The following RNASET2 variants were observed in gnomAD, a reference collection of about 807,000 sequenced individuals.
RNASET2 encodes the protein ribonuclease T2.
A neutral mutation model predicts 33.9 loss-of-function variants in RNASET2; 28 were observed. That is an observed-to-expected ratio of 0.83 (90% CI 0.61 to 1.13). The LOEUF (loss-of-function observed/expected upper bound fraction) is 1.13, where lower values mean the gene tolerates loss of function less well. Among genes scored for constraint, RNASET2 ranks in the 50% most tolerant of loss-of-function variants. The probability of loss-of-function intolerance (pLI) is 0.00; values close to 1 mark genes in which losing one functional copy is unlikely to be tolerated. For missense variants in RNASET2, 330 were observed against 319.9 expected (o/e 1.03, Z -0.24); for synonymous variants, 123 against 121.0 (o/e 1.02, Z -0.11).
At chr6:166,950,213 G>T (rs113174740) in intron 2 of RNASET2, among the ~76,000 whole-genome samples, 1 of 151,976 alleles carries the variant, frequency 6.6e-6, no homozygotes, top group Non-Finnish European at 1.5e-5. Context: ...CCTCCTCCAC[G>T]GTCCTTCTTC....
In RNASET2 at chr6:166,923,228, C is replaced by CTTTTTTTTTTTTTGTTTTT. The variant is rs1778258956; in HGVS notation, c.*6359_*6360insAAAAACAAAAAAAAAAAAA. On this transcript the variant is annotated 3_prime_UTR_variant, in exon 9 of 9. Transcript: ENST00000508775. ...ACAGGCGTGAGCCACCAGGCCCGGC[C>CTTTTTTTTTTTTTGTTTTT]TTTTTTTTTTTTTTTTTTTTTGAGA... 9.7e-6 allele frequency among the ~76,000 whole-genome samples: 1 copy of CTTTTTTTTTTTTTGTTTTT among 102,672 alleles called. No homozygotes were observed. The highest frequency in any genetic ancestry group is 1.8e-5 in the Non-Finnish European group (1 of 54,584). 67.4% of individuals were successfully genotyped at this position (102,672 alleles called of 152,430 possible).
At chr6:166,950,629 C>G (rs999187288) in intron 2 of RNASET2, among the ~76,000 whole-genome samples, 2 of 152,206 alleles carry the variant, frequency 1.3e-5, no homozygotes, top group African/African-American at 4.8e-5. Context: ...CTTGACACAC[C>G]GAGCAGGGTA....
intron 6 of RNASET2, among the ~76,000 whole-genome samples, chr6:166,935,266 G>C (rs1423003421): frequency 1.3e-5 from 2 of 151,944 alleles, no homozygotes. Context: ...TTTATCCTAA[G>C]TTTCGATGAT....
chr6:166,955,038 TAAG>T (rs1044807068), intron 1 of RNASET2, among the ~76,000 whole-genome samples: 2 of 93,566 alleles, frequency 2.1e-5, no homozygotes, highest in Non-Finnish European at 3.8e-5. Flanking sequence ...ACTATGTAAG[TAAG>T]AAATCCTATT....
chr6:166,950,541 G>A (rs1006316272), intron 2 of RNASET2, among the ~76,000 whole-genome samples: 9 of 152,356 alleles, frequency 5.9e-5, no homozygotes, highest in Middle Eastern at 3.4e-3. Context: ...TAAAGCCTGC[G>A]TGCTCCTGAC....
intron 3 of RNASET2, among the ~76,000 whole-genome samples, chr6:166,947,112 C>T (rs780674422): frequency 3.9e-5 from 6 of 152,036 alleles, no homozygotes; most frequent in Non-Finnish European, 7.4e-5. Flanking sequence ...AGTAAGCTGA[C>T]CCCCGGCCAA....
rs1041687936 is a variant in RNASET2, at chr6:166,927,982, T to A, written c.*1606A>T. ...AGCTCAGAGAAGGGCCGAGGGACAA[T>A]GACAAGGTGGGGACCCTGGACCCTT... is the stretch of plus-strand genomic sequence containing the variant. On this transcript the variant is annotated 3_prime_UTR_variant, in exon 9 of 9. Coordinates refer to ENST00000508775, the MANE Select transcript of RNASET2 (RefSeq NM_003730.6). 1.3e-5 allele frequency among the ~76,000 whole-genome samples: 2 copies of A among 152,270 alleles called. No homozygotes were observed. Among genetic ancestry groups the A allele is most frequent in the South Asian group, 4.1e-4 (2 of 4,828 alleles).
Position 166,927,100 on chromosome 6 carries a change from A to G in RNASET2, c.*2488T>C, listed in dbSNP as rs1778319372. Among the ~76,000 whole-genome samples the G allele has an allele frequency of 6.6e-6, 1 of 152,228 alleles. No individual in the cohort carries two copies. Among genetic ancestry groups the G allele is most frequent in the South Asian group, 2.1e-4 (1 of 4,836 alleles). ...GTTACAGCGAGAACCGTGTGGTCAG[A>G]GTTGCATCTTCCTGAGTTGAATCTG... On this transcript the variant is annotated 3_prime_UTR_variant, in exon 9 of 9. Transcript: ENST00000508775.
At chr6:166,955,764 A>C in intron 1 of RNASET2, 1 of 1,227,082 alleles carries the variant, frequency 8.1e-7, no homozygotes, top group Non-Finnish European at 1.0e-6. Flanking sequence ...GTCACCCCAG[A>C]GCGTGCCCAG....
At chr6:166,934,369 G>A in intron 6 of RNASET2, 1 of 532,364 alleles carries the variant, frequency 1.9e-6, no homozygotes, top group Non-Finnish European at 3.4e-6. Flanking sequence ...ACCCTTTCCA[G>A]TTCCTGACTC....
intron 2 of RNASET2, among the ~76,000 whole-genome samples, chr6:166,949,500 C>CAAAAAAAAAAAAAAAA (rs61621125): frequency 6.8e-5 from 3 of 44,394 alleles, no homozygotes; most frequent in East Asian, 8.3e-4. Flanking sequence ...GACTCCATCT[C>CAAAAAAAAAAAAAAAA]AAAAAAAAAA....
At chr6:166,952,651 G>A (rs1779014415) in intron 1 of RNASET2, 103 bp from the exon 2 acceptor site, 2 of 888,118 alleles carry the variant, frequency 2.3e-6, no homozygotes, top group Non-Finnish European at 3.7e-6. Context: ...AGCACTGAGT[G>A]CTGTGGGAGG....
chr6:166,954,812 G>A (rs944440649), intron 1 of RNASET2, among the ~76,000 whole-genome samples: 1 of 152,086 alleles, frequency 6.6e-6, no homozygotes, highest in Non-Finnish European at 1.5e-5. Flanking sequence ...TCAGAAGTTC[G>A]AGACCAGCCT....
Position 166,941,205 on chromosome 6 carries a change from A to T in RNASET2, c.332+1814T>A, listed in dbSNP as rs572473636. On this transcript the variant is annotated intron_variant, in intron 5 of 8. Transcript: ENST00000508775. ...GTGTGTAATTCAACTATCAACCTGA[A>T]AATTTAAAGTAAGTCATCTTGCCTT... Among the ~76,000 whole-genome samples, 26 of 152,342 alleles carry T rather than the reference A, an allele frequency of 1.7e-4. No homozygotes were observed. In the South Asian group the frequency reaches 5.4e-3, roughly 32 times the overall value.
In RNASET2 at chr6:166,942,883, T is replaced by C. The variant is rs1439723536; in HGVS notation, c.332+136A>G. 3 of 713,414 alleles carry C rather than the reference T, an allele frequency of 4.2e-6. No individual in the cohort carries two copies. In the Admixed American group the frequency reaches 6.7e-5, roughly 16 times the overall value. 44.2% of individuals were successfully genotyped at this position (713,414 alleles called of 1,614,324 possible). A position where few individuals can be genotyped will look rare whatever the true frequency, so the allele number is the denominator to read the frequency against. On this transcript the variant is annotated intron_variant, in intron 5 of 8. Coordinates refer to ENST00000508775, the MANE Select transcript of RNASET2 (RefSeq NM_003730.6). The stretch of plus-strand genomic sequence containing the variant: ...TAACAGAATCATATCTCATAAAAGG[T>C]TGTTCAAACTGCTCAGCCCCAGAAG...
intron 8 of RNASET2, among the ~76,000 whole-genome samples, chr6:166,930,047 G>A (rs369658483): frequency 6.6e-6 from 1 of 152,192 alleles, no homozygotes; most frequent in Non-Finnish European, 1.5e-5. Context: ...CACCACCAGA[G>A]GCCAGCCTGG....
intron 7 of RNASET2, 81 bp downstream of exon 7, chr6:166,934,010 C>G: frequency 1.0e-6 from 1 of 957,866 alleles, no homozygotes. Context: ...AATTTACAGC[C>G]CATTGACTCA....
intron 6 of RNASET2, among the ~76,000 whole-genome samples, chr6:166,937,998 C>G (rs1303216180): frequency 6.6e-6 from 1 of 152,184 alleles, no homozygotes; most frequent in African/African-American, 2.4e-5. Flanking sequence ...AAGCACATGT[C>G]TAGATAAGCA....
At chr6:166,930,806 A>G (rs1323478846) in intron 8 of RNASET2, among the ~76,000 whole-genome samples, 4 of 123,702 alleles carry the variant, frequency 3.2e-5, no homozygotes. Flanking sequence ...ACATGCATGT[A>G]CACACACATG....
Sources: gnomAD v4.1 joint callset for allele counts (sites outside exome capture counted in the v4.1 genomes callset) on GRCh38, gnomAD v4.1.1 for gene constraint, MANE v1.5 for transcripts, NCBI Gene and HGNC (gene_info 2026-07-23, HGNC 2026-07-21) for gene names.